NICOL1: variants seen among roughly 807,000 people sequenced by gnomAD.
The protein encoded by NICOL1 is NELL2 interacting cell ontogeny regulator 1, also known as NELL2-interacting cell ontogeny regulator 1.
the NICOL1 span, chr4:2,041,847 C>G: frequency 1.2e-6 from 1 of 835,320 alleles, no homozygotes; most frequent in East Asian, 3.3e-5. Context: ...GGCCTGGACG[C>G]TGCTCCCGGG....
chr4:2,042,459 C>T, the NICOL1 span: 2 of 425,300 alleles, frequency 4.7e-6, no homozygotes, highest in African/African-American at 2.1e-5. Flanking sequence ...GCGCCGAGCC[C>T]GCCGGGAGTG....
the NICOL1 span, chr4:2,042,269 G>A: frequency 9.7e-7 from 1 of 1,027,460 alleles, no homozygotes; most frequent in Non-Finnish European, 1.3e-6. Flanking sequence ...GGAGGGGACG[G>A]GGGCTCACCG....
the NICOL1 span, among the ~76,000 whole-genome samples, chr4:2,039,351 T>C: frequency 6.6e-6 from 1 of 151,180 alleles, no homozygotes; most frequent in East Asian, 2.0e-4. Context: ...GAGGCAGAGG[T>C]TGCAGTGAGC....
the NICOL1 span, chr4:2,042,233 C>A: frequency 2.7e-6 from 3 of 1,130,088 alleles, no homozygotes; most frequent in Non-Finnish European, 3.4e-6. Flanking sequence ...AGGCCTGGGG[C>A]TTGGACAAGG....
the NICOL1 span, among the ~76,000 whole-genome samples, chr4:2,041,199 T>G: frequency 6.7e-6 from 1 of 149,612 alleles, no homozygotes; most frequent in Non-Finnish European, 1.5e-5. Context: ...GGGCGCCTTC[T>G]GAGGAGGCCA....
At chr4:2,039,036 T>G in the NICOL1 span, among the ~76,000 whole-genome samples, 1 of 152,196 alleles carries the variant, frequency 6.6e-6, no homozygotes, top group African/African-American at 2.4e-5. Flanking sequence ...ACAAGTGAGA[T>G]TTGTGCAAAT....
At chr4:2,042,440 C>G in the NICOL1 span, 11 of 445,358 alleles carry the variant, frequency 2.5e-5, no homozygotes, top group Non-Finnish European at 3.9e-5. Context: ...CTGCTGGGCG[C>G]CCGGGCCCGC....
the NICOL1 span, chr4:2,042,460 G>C: frequency 2.4e-6 from 1 of 423,156 alleles, no homozygotes; most frequent in South Asian, 6.8e-5. Context: ...CGCCGAGCCC[G>C]CCGGGAGTGC....
chr4:2,041,526 G>T, the NICOL1 span, among the ~76,000 whole-genome samples: 50 of 152,300 alleles, frequency 3.3e-4, no homozygotes, highest in African/African-American at 1.1e-3. Context: ...CCCGAGGATC[G>T]GGGAGAGGCT....
chr4:2,042,034 C>A, the NICOL1 span: 25 of 1,476,742 alleles, frequency 1.7e-5, no homozygotes, highest in African/African-American at 2.7e-4. Context: ...CTGCCGGTGT[C>A]CCCGCGCTGC....
the NICOL1 span, among the ~76,000 whole-genome samples, chr4:2,037,252 T>C: frequency 6.6e-6 from 1 of 152,172 alleles, no homozygotes; most frequent in Non-Finnish European, 1.5e-5. Flanking sequence ...AGGAAACCCT[T>C]TCTTCATAAA....
chr4:2,038,457 T>A, the NICOL1 span, among the ~76,000 whole-genome samples: 1 of 151,552 alleles, frequency 6.6e-6, no homozygotes, highest in Admixed American at 6.6e-5. Flanking sequence ...TCAGATACTT[T>A]TTAAAATCTT....
chr4:2,043,832 G>A, the NICOL1 span: 18 of 1,542,936 alleles, frequency 1.2e-5, no homozygotes, highest in African/African-American at 1.1e-4. Flanking sequence ...CAGCTGGGCT[G>A]CACCCTCACC....
the NICOL1 span, chr4:2,042,675 G>T: frequency 4.0e-6 from 4 of 999,030 alleles, no homozygotes; most frequent in Admixed American, 5.0e-5. Flanking sequence ...CCCAGAGTGC[G>T]TGGGGGCCTT....
the NICOL1 span, among the ~76,000 whole-genome samples, chr4:2,040,695 C>G: frequency 6.6e-6 from 1 of 152,202 alleles, no homozygotes; most frequent in Non-Finnish European, 1.5e-5. Context: ...GACAGCGGCC[C>G]GCAGCCCCCA....
the NICOL1 span, chr4:2,041,957 G>C: frequency 6.9e-7 from 1 of 1,452,326 alleles, no homozygotes; most frequent in Non-Finnish European, 9.0e-7. Context: ...TGACGACGAC[G>C]TCGGATGGGG....
the NICOL1 span, among the ~76,000 whole-genome samples, chr4:2,036,972 G>A: frequency 2.1e-4 from 32 of 152,164 alleles, no homozygotes. Flanking sequence ...CTCAAATCTC[G>A]TGTGGAGCTC....
the NICOL1 span, chr4:2,042,092 C>A: frequency 4.7e-6 from 7 of 1,481,960 alleles, no homozygotes; most frequent in Non-Finnish European, 6.2e-6. Flanking sequence ...TGCGGGCGTC[C>A]GAATGGGCGT....
the NICOL1 span, chr4:2,042,414 G>GCTC: frequency 2.0e-6 from 1 of 498,778 alleles, no homozygotes; most frequent in East Asian, 3.7e-5. Flanking sequence ...TGCTGCTGCT[G>GCTC]CTGCTGAGTC....
Sources: gnomAD v4.1 joint callset for allele counts (sites outside exome capture counted in the v4.1 genomes callset) on GRCh38, gnomAD v4.1.1 for gene constraint, MANE v1.5 for transcripts, NCBI Gene and HGNC (gene_info 2026-07-23, HGNC 2026-07-21) for gene names.